Variants in PSKH2 observed in about 807,000 individuals in gnomAD.
PSKH2 encodes the protein serine/threonine-protein kinase H2.
PSKH2 carries 16 observed loss-of-function variants against 22.5 expected under a neutral mutation model. The observed-to-expected ratio is 0.71, with a 90% CI of 0.48 to 1.08. The LOEUF (loss-of-function observed/expected upper bound fraction) is 1.08, where lower values mean the gene tolerates loss of function less well. Ranked by LOEUF, PSKH2 falls within the 50% of genes least tolerant of loss-of-function variation. PSKH2 has a pLI of 0.00. For synonymous variants in PSKH2, 188 were observed against 184.8 expected (o/e 1.02, Z -0.14); for missense variants, 516 against 492.8 (o/e 1.05, Z -0.44).
intron 2 of PSKH2, among the ~76,000 whole-genome samples, chr8:86,055,107 C>G (rs1460794318): frequency 6.6e-6 from 1 of 152,074 alleles, no homozygotes; most frequent in African/African-American, 2.4e-5. Flanking sequence ...ATATTTATAA[C>G]TAGTTCTTGC....
chr8:86,057,285 T>TACACAA (rs1554583689), intron 2 of PSKH2, among the ~76,000 whole-genome samples: 1 of 129,860 alleles, frequency 7.7e-6, no homozygotes, highest in African/African-American at 2.6e-5. Context: ...TGCATGCATG[T>TACACAA]ACACACACAC....
chr8:86,069,610 C>G lies in PSKH2; in HGVS notation c.13G>C (p.Ala5Pro), dbSNP rs1203081308. 8 of 1,588,014 alleles carry G rather than the reference C, an allele frequency of 5.0e-6. No individual in the cohort carries two copies. The African/African-American group carries it at 1.1e-4, about 22-fold the overall frequency. ...GGCCCCGGGACCACCTTCCTGCTGG[C>G]GCCGCACCCCATACCCGCAACACGC... MGCGASRKVVPGPPA... is the reference protein window; with the variant it reads MGCGPSRKVVPGPPA... Residue 5 changes from alanine to proline, a missense_variant, in exon 1 of 3, where the codon GCC becomes CCC. Ala to Pro is a conservative substitution (Grantham distance 27, BLOSUM62 -1). Coordinates refer to ENST00000276616, the MANE Select transcript of PSKH2 (RefSeq NM_033126.3).
intron 2 of PSKH2, among the ~76,000 whole-genome samples, chr8:86,060,611 G>T (rs1166769844): frequency 3.3e-5 from 5 of 152,242 alleles, no homozygotes; most frequent in Admixed American, 2.6e-4. Context: ...TGGAGATGAG[G>T]CCTCTAGGGA....
At chr8:86,066,234 C>A (rs1817856610) in intron 1 of PSKH2, among the ~76,000 whole-genome samples, 1 of 141,024 alleles carries the variant, frequency 7.1e-6, no homozygotes, top group Non-Finnish European at 1.5e-5. Flanking sequence ...GAGTTTTGCT[C>A]TGTCACCCAG....
chr8:86,049,737 A>AG lies in PSKH2; in HGVS notation c.853-971dup, dbSNP rs754875072. On this transcript the variant is annotated intron_variant, in intron 2 of 2. Transcript: ENST00000276616. The stretch of plus-strand genomic sequence containing the variant: ...AAGAAAGAAAGAAAGAAAGAAAGAA[A>AG]GAAAGAAAGAAACGAAAGAAAGAAA... 2.5e-4 allele frequency among the ~76,000 whole-genome samples: 11 copies of AG among 44,466 alleles called. No individual in the cohort carries two copies. The South Asian group carries it at 6.5e-3, about 26-fold the overall frequency. 29.2% of individuals were successfully genotyped at this position (44,466 alleles called of 152,430 possible).
Position 86,048,616 on chromosome 8 carries a change from G to A in PSKH2, c.1004C>T (p.Ala335Val). 6.2e-7 allele frequency: 1 copy of A among 1,614,060 alleles called. No homozygotes were observed. Among genetic ancestry groups the A allele is most frequent in the Non-Finnish European group, 8.5e-7 (1 of 1,180,004 alleles). Reference sequence around the variant, plus strand: ...CCTCTGCATGAGGTTTCGGGATATGGCCCTCTGGAGATTCTTCATGGAAGA... The same window carrying A: ...CCTCTGCATGAGGTTTCGGGATATGACCCTCTGGAGATTCTTCATGGAAGA... The part of the protein sequence containing the change: ...AGSSMKNLQR[A>V]ISRNLMQRAS... The change falls in exon 3 of 3, where the codon GCC (alanine) becomes GTC (valine). Residue 335 changes from alanine to valine, a missense_variant. By Grantham distance (64) the Ala-to-Val change is moderately conservative. Transcript: ENST00000276616.
At chr8:86,068,777 G>T (rs754125585) in intron 1 of PSKH2, among the ~76,000 whole-genome samples, 2 of 152,068 alleles carry the variant, frequency 1.3e-5, no homozygotes, top group African/African-American at 2.4e-5. Context: ...CAGGATATTA[G>T]AGGCAAAGCC....
At chr8:86,051,289 C>A (rs1253374201) in intron 2 of PSKH2, among the ~76,000 whole-genome samples, 1 of 152,016 alleles carries the variant, frequency 6.6e-6, no homozygotes. Flanking sequence ...GGTTTCGCCA[C>A]GTTAGCCAGG....
intron 1 of PSKH2, among the ~76,000 whole-genome samples, chr8:86,068,937 A>G (rs914194696): frequency 6.6e-6 from 1 of 152,082 alleles, no homozygotes; most frequent in Non-Finnish European, 1.5e-5. Context: ...GATGTCAAAG[A>G]GAAATTGTAC....
At position 86,048,550 on chromosome 8, in the gene PSKH2, G is replaced by C. The variant is rs1379631551; in HGVS notation, c.1070C>G (p.Ser357Cys). The C allele has an allele frequency of 2.5e-6, 4 of 1,614,118 alleles. No homozygotes were observed. Among genetic ancestry groups the C allele is most frequent in the Non-Finnish European group, 3.4e-6 (4 of 1,179,984 alleles). Reference sequence around the variant, plus strand: ...GGATTTGTGAGAATAATGTGACTTAGAAGACTGTGCAGATCCAGGACTCTG... The same window carrying C: ...GGATTTGTGAGAATAATGTGACTTACAAGACTGTGCAGATCCAGGACTCTG... ...HSQSPGSAQS[S>C]KSHYSHKSRH... Residue 357 changes from serine to cysteine, a missense_variant, in exon 3 of 3, where the codon TCT becomes TGT. By Grantham distance (112) the Ser-to-Cys change is moderately radical (BLOSUM62 -1). Transcript: ENST00000276616.
At chr8:86,066,905 G>T (rs1234262450) in intron 1 of PSKH2, among the ~76,000 whole-genome samples, 4 of 152,034 alleles carry the variant, frequency 2.6e-5, no homozygotes, top group Non-Finnish European at 4.4e-5. Flanking sequence ...TTCTCAGTGT[G>T]ATTTTGAAGA....
At chr8:86,049,142 C>T (rs762923409) in intron 2 of PSKH2, among the ~76,000 whole-genome samples, 5 of 152,176 alleles carry the variant, frequency 3.3e-5, no homozygotes, top group Non-Finnish European at 4.4e-5. Context: ...ACTATGTCAA[C>T]ATCAGGTCAG....
rs527808311 is a variant in PSKH2, at chr8:86,053,892, C to G, written c.853-5125G>C. ...CACTGTCTCTACATACAAAAATTAG[C>G]TTAGCATGGTGACACGCAGCGGTAG... On this transcript the variant is annotated intron_variant, in intron 2 of 2. Transcript: ENST00000276616. Among the ~76,000 whole-genome samples, 7 of 152,184 alleles carry G rather than the reference C, an allele frequency of 4.6e-5. No individual in the cohort carries two copies. In the South Asian group the frequency reaches 1.5e-3, roughly 32 times the overall value.
intron 2 of PSKH2, among the ~76,000 whole-genome samples, chr8:86,062,285 C>G (rs969418351): frequency 6.6e-6 from 1 of 152,196 alleles, no homozygotes; most frequent in African/African-American, 2.4e-5. Flanking sequence ...TCTCAGGACT[C>G]TTTAATTTTT....
At chr8:86,060,817 C>G (rs1817767271) in intron 2 of PSKH2, among the ~76,000 whole-genome samples, 2 of 152,206 alleles carry the variant, frequency 1.3e-5, no homozygotes, top group Non-Finnish European at 2.9e-5. Flanking sequence ...TGTCAGTACT[C>G]TGGTGCTATA....
In PSKH2 at chr8:86,047,462, C is replaced by T. The variant is rs1382425432; in HGVS notation, c.*1000G>A. ...CTGATTTTAAAGTTACAGTAAATGT[C>T]ATTCTAACATTTTATTATTTTTCTG... is the stretch of plus-strand genomic sequence containing the variant. On this transcript the variant is annotated 3_prime_UTR_variant, in exon 3 of 3. Transcript: ENST00000276616. 1.3e-5 allele frequency among the ~76,000 whole-genome samples: 2 copies of T among 151,960 alleles called. No individual in the cohort carries two copies. The highest frequency in any genetic ancestry group is 1.3e-4 in the Admixed American group (2 of 15,258).
intron 2 of PSKH2, among the ~76,000 whole-genome samples, chr8:86,059,142 T>C (rs1179465169): frequency 6.6e-6 from 1 of 152,102 alleles, no homozygotes; most frequent in Admixed American, 6.5e-5. Context: ...TGTTTTGCAA[T>C]GTTGCTCAGG....
Position 86,049,731 on chromosome 8 carries a change from AAAGAAAGAAAGAAAGAAACGAAAG to A in PSKH2, c.853-988_853-965del, listed in dbSNP as rs1305995580. Among the ~76,000 whole-genome samples, 7 of 49,490 alleles carry A rather than the reference AAAGAAAGAAAGAAAGAAACGAAAG, an allele frequency of 1.4e-4. 1 individual carries two copies. The South Asian group carries it at 6.2e-3, about 44-fold the overall frequency. The allele number at this position is 49,490 out of a possible 152,430, so 32.5% of individuals were successfully genotyped here. ...GAAAGAAAGAAAGAAAGAAAGAAAG[AAAGAAAGAAAGAAAGAAACGAAAG>A]AAAGAAAGAAAGAGAAAAGAAAGAA... On this transcript the variant is annotated intron_variant, in intron 2 of 2. Coordinates refer to ENST00000276616, the MANE Select transcript of PSKH2 (RefSeq NM_033126.3).
chr8:86,066,405 G>A (rs561643970), intron 1 of PSKH2: 1 of 152,176 alleles, frequency 6.6e-6, no homozygotes, highest in East Asian at 1.9e-4. Context: ...ATTTCACCAT[G>A]TTTGCCAGGC....
Sources: gnomAD v4.1 joint callset for allele counts (sites outside exome capture counted in the v4.1 genomes callset) on GRCh38, gnomAD v4.1.1 for gene constraint, MANE v1.5 for transcripts, NCBI Gene and HGNC (gene_info 2026-07-23, HGNC 2026-07-21) for gene names.